The following TEX11 variants were observed in gnomAD, a reference collection of about 807,000 sequenced individuals.
TEX11 encodes testis expressed 11.
In TEX11, 7 loss-of-function variants were observed where a neutral mutation model predicts 84.4. The ratio of observed to expected loss-of-function variants is 0.08; its 90% CI spans 0.05 to 0.16. The LOEUF (loss-of-function observed/expected upper bound fraction) is 0.16, where lower values mean the gene tolerates loss of function less well. Among genes scored for constraint, TEX11 ranks in the 10% least tolerant of loss-of-function variants. The probability of loss-of-function intolerance (pLI) is 1.00; values close to 1 mark genes in which losing one functional copy is unlikely to be tolerated. For missense variants in TEX11, 551 were observed against 660.5 expected, an observed-to-expected ratio of 0.83 and a Z score of 1.82; for synonymous variants, 264 against 222.8, an observed-to-expected ratio of 1.18 and a Z score of -1.64.
At chrX:70,566,665 G>T (rs1201514559) in intron 25 of TEX11, among the ~76,000 whole-genome samples, 1 of 111,475 alleles carries the variant, frequency 9.0e-6, no homozygotes, top group Non-Finnish European at 1.9e-5. Flanking sequence ...AGATAATCAT[G>T]TGGTTTTTGT....
intron 11 of TEX11, among the ~76,000 whole-genome samples, chrX:70,736,756 C>T (rs959096405): frequency 4.5e-5 from 5 of 111,561 alleles, no homozygotes; most frequent in African/African-American, 1.3e-4. Flanking sequence ...GCCATGCTCT[C>T]AATCCAGGTT....
chrX:70,646,567 G>A (rs1371963640), intron 17 of TEX11, among the ~76,000 whole-genome samples: 8 of 112,178 alleles, frequency 7.1e-5, no homozygotes, highest in Non-Finnish European at 9.4e-5. Flanking sequence ...ATGGGCAAAT[G>A]ACCTGACAAG....
intron 4 of TEX11, among the ~76,000 whole-genome samples, chrX:70,868,279 C>G (rs1220914257): frequency 8.9e-6 from 1 of 112,049 alleles, no homozygotes; most frequent in Non-Finnish European, 1.9e-5. Context: ...ATTAAAAAAG[C>G]TCATCATCAC....
chrX:70,623,360 A>G (rs1284217970), intron 20 of TEX11, among the ~76,000 whole-genome samples: 1 of 111,936 alleles, frequency 8.9e-6, no homozygotes, highest in Non-Finnish European at 1.9e-5. Flanking sequence ...AAAGTCTTCA[A>G]CGAATTGTTA....
chrX:70,902,345 T>G (rs4560953), intron 2 of TEX11, among the ~76,000 whole-genome samples: 42,964 of 110,386 alleles, frequency 0.39, 6,981 homozygotes, highest in East Asian at 0.59. Flanking sequence ...GAAGTTGCTC[T>G]GGGTGAGTCA....
intron 28 of TEX11, among the ~76,000 whole-genome samples, chrX:70,532,574 A>G (rs2087902385): frequency 9.0e-6 from 1 of 111,276 alleles, no homozygotes; most frequent in South Asian, 3.8e-4. Context: ...CGTCTCTACT[A>G]AAAATACAAA....
chrX:70,693,469 G>A (rs1271112850), intron 13 of TEX11, among the ~76,000 whole-genome samples: 1 of 111,414 alleles, frequency 9.0e-6, no homozygotes, highest in Non-Finnish European at 1.9e-5. Context: ...AAACATGGAT[G>A]AACTTGTAGG....
At chrX:70,607,152 A>G in intron 22 of TEX11, 123 bp from the exon 23 acceptor site, 2 of 476,129 alleles carry the variant, frequency 4.2e-6, no homozygotes, top group Non-Finnish European at 6.5e-6. Context: ...GGGTTTCTCA[A>G]GGTTTAAACA....
intron 7 of TEX11, among the ~76,000 whole-genome samples, chrX:70,841,357 GA>G (rs1481194526): frequency 9.0e-6 from 1 of 111,243 alleles, no homozygotes; most frequent in African/African-American, 3.3e-5. Flanking sequence ...CATGGAAACT[GA>G]ACAACCTGCT....
intron 16 of TEX11, among the ~76,000 whole-genome samples, chrX:70,659,998 G>C (rs763018015): frequency 8.9e-6 from 1 of 112,172 alleles, no homozygotes; most frequent in Non-Finnish European, 1.9e-5. Context: ...TTGCTCCTAG[G>C]CTACAAATCT....
chrX:70,577,544 G>T (rs1398316045), intron 25 of TEX11, among the ~76,000 whole-genome samples: 2 of 110,629 alleles, frequency 1.8e-5, no homozygotes, highest in Non-Finnish European at 3.8e-5. Flanking sequence ...AAAAGGAAGT[G>T]GAAGCAGCAA....
chrX:70,573,917 C>T lies in TEX11; in HGVS notation c.2140+17834G>A, dbSNP rs939981416. On this transcript the variant is annotated intron_variant, in intron 25 of 29. Transcript: ENST00000374333. ...CAGAACATCCATGCTGGGCTTTGTT[C>T]TAAAGTTCTCAGGAGGTTTGCCTTG... Among the ~76,000 whole-genome samples, 3 of 111,237 alleles carry T rather than the reference C, an allele frequency of 2.7e-5. No individual in the cohort carries two copies. In the Admixed American group the frequency reaches 2.9e-4, roughly 11 times the overall value.
chrX:70,728,450 A>T (rs2090616845), intron 11 of TEX11, among the ~76,000 whole-genome samples: 3 of 112,954 alleles, frequency 2.7e-5, no homozygotes, highest in Admixed American at 1.9e-4. Flanking sequence ...CTGGAAAATC[A>T]GGTCACTCCC....
chrX:70,775,176 T>C (rs1048921711), intron 9 of TEX11, among the ~76,000 whole-genome samples: 2 of 111,567 alleles, frequency 1.8e-5, no homozygotes, highest in African/African-American at 6.5e-5. Context: ...TCTCACCATA[T>C]ACAAAAATCA....
chrX:70,813,893 G>C (rs2091271980), intron 8 of TEX11, among the ~76,000 whole-genome samples: 1 of 111,291 alleles, frequency 9.0e-6, no homozygotes, highest in African/African-American at 3.3e-5. Context: ...AACTTACAAG[G>C]GATGTGAAGG....
chrX:70,518,862 A>G, the TEX11 span, among the ~76,000 whole-genome samples: 24 of 112,079 alleles, frequency 2.1e-4, no homozygotes, highest in African/African-American at 7.4e-4. Flanking sequence ...TCCCTTTACC[A>G]TTATGTAATG....
intron 9 of TEX11, among the ~76,000 whole-genome samples, chrX:70,774,380 G>T (rs1483464131): frequency 4.6e-5 from 5 of 109,625 alleles, no homozygotes; most frequent in African/African-American, 1.7e-4. Context: ...TGTAGCCAGA[G>T]CAATCAGGCA....
At chrX:70,744,270 A>T in intron 9 of TEX11, 51 bp from the exon 10 acceptor site, 1 of 515,257 alleles carries the variant, frequency 1.9e-6, no homozygotes, top group Non-Finnish European at 2.6e-6. Context: ...ACATATATCC[A>T]TTTCAAATTA....
At chrX:70,839,809 T>C (rs1602171145) in intron 7 of TEX11, among the ~76,000 whole-genome samples, 1 of 111,425 alleles carries the variant, frequency 9.0e-6, no homozygotes, top group East Asian at 2.8e-4. Flanking sequence ...CTGATGGAGC[T>C]GAAAACCAAG....
Sources: allele counts gnomAD v4.1 joint callset (sites outside exome capture counted in the v4.1 genomes callset), GRCh38; gene constraint gnomAD v4.1.1; transcripts MANE v1.5; gene names NCBI Gene and HGNC (gene_info 2026-07-23, HGNC 2026-07-21).